The following MCF2L variants were observed in gnomAD, a reference collection of about 807,000 sequenced individuals.
MCF2L encodes the protein guanine nucleotide exchange factor DBS.
In MCF2L, 97 loss-of-function variants were observed where a neutral mutation model predicts 153.4. That is an observed-to-expected ratio of 0.63 (90% CI 0.54 to 0.75). MCF2L has a LOEUF of 0.75. Ranked by LOEUF, MCF2L falls within the 30% of genes least tolerant of loss-of-function variation. The pLI, the probability that MCF2L is intolerant of heterozygous loss-of-function variation, is 0.00. For synonymous variants in MCF2L, 659 were observed against 632.2 expected (o/e 1.04, Z -0.64); for missense variants, 1,347 against 1,495.2 (o/e 0.90, Z 1.64).
chr13:112,901,902 A>G (rs2081123009), intron 1 of MCF2L, among the ~76,000 whole-genome samples: 1 of 152,232 alleles, frequency 6.6e-6, no homozygotes, highest in Non-Finnish European at 1.5e-5. Context: ...TGTCGAGGGG[A>G]AAACCTCGGT....
At position 113,077,087 on chromosome 13, in the gene MCF2L, C is replaced by G. The variant is rs531557786; in HGVS notation, c.1536C>G (p.Ser512Arg). 2 of 1,612,890 alleles carry G rather than the reference C, an allele frequency of 1.2e-6. No homozygotes were observed. The highest frequency in any genetic ancestry group is 2.2e-5 in the South Asian group (2 of 90,998). ...GAAAGGTCTTCCAGAAGCAGGCAAG[C>G]ATGGAGGAGGTGTTCCACCGCAGGC... is the stretch of plus-strand genomic sequence containing the variant. The part of the protein sequence containing the change: ...HVRKVFQKQA[S>R]MEEVFHRRQA... The change falls in exon 13 of 30, where the codon AGC becomes AGG. Residue 512 changes from serine (S) to arginine (R), a missense_variant. Ser to Arg is a moderately radical substitution (Grantham distance 110). Transcript: ENST00000535094.
chr13:113,061,641 A>G (rs912652653), intron 5 of MCF2L, among the ~76,000 whole-genome samples: 4 of 142,508 alleles, frequency 2.8e-5, no homozygotes, highest in African/African-American at 1.1e-4. Context: ...CTTCTCTGAC[A>G]GGGAAGAAAA....
At chr13:112,918,723 G>T (rs547409595) in intron 2 of MCF2L, among the ~76,000 whole-genome samples, 1 of 152,316 alleles carries the variant, frequency 6.6e-6, no homozygotes, top group South Asian at 2.1e-4. Flanking sequence ...AACATTATAT[G>T]CAGAGCAGCA....
At chr13:113,030,771 G>A (rs2085636023) in intron 3 of MCF2L, among the ~76,000 whole-genome samples, 1 of 152,212 alleles carries the variant, frequency 6.6e-6, no homozygotes, top group Middle Eastern at 3.2e-3. Flanking sequence ...GTCTCAGAGA[G>A]GCGATAGAGA....
intron 1 of MCF2L, among the ~76,000 whole-genome samples, chr13:113,005,445 G>T (rs984188110): frequency 6.6e-6 from 1 of 152,206 alleles, no homozygotes; most frequent in African/African-American, 2.4e-5. Context: ...TGGACTATTC[G>T]TGGTGACTGA....
rs766014830 is a variant in MCF2L, at chr13:113,077,181, G to A, written c.1630G>A (p.Ala544Thr). Residue 544 changes from alanine (A) to threonine (T), a missense_variant, in exon 13 of 30, where the codon GCA (alanine) becomes ACA (threonine). Physicochemically the swap from Ala to Thr is moderately conservative, Grantham distance 58. Coordinates refer to ENST00000535094, the MANE Select transcript of MCF2L (RefSeq NM_001112732.3). Reference protein sequence around the residue: ...PVQPVAPRPEALAKSPCPSPG... With the variant: ...PVQPVAPRPETLAKSPCPSPG... ...GCAGCCGGTGGCCCCCAGACCCGAG[G>A]CACTGGCAAAGTCGCCCTGCCCCTC... The A allele has an allele frequency of 3.1e-6, 5 of 1,603,596 alleles. No homozygotes were observed. In the Admixed American group the frequency reaches 5.1e-5, roughly 16 times the overall value.
upstream of MCF2L, chr13:112,965,279 G>A (rs1313531534): frequency 6.6e-6 from 1 of 152,260 alleles, no homozygotes; most frequent in Admixed American, 6.5e-5. Context: ...GCCCCGGAGG[G>A]GGAGGTGCCA....
upstream of MCF2L, chr13:112,968,677 C>T: frequency 1.3e-6 from 2 of 1,487,758 alleles, no homozygotes; most frequent in South Asian, 2.6e-5. Flanking sequence ...GCTGCTGCGG[C>T]CTCTGCAGCT....
chr13:112,910,230 G>GAAT (rs2081217042), intron 2 of MCF2L: 1 of 152,200 alleles, frequency 6.6e-6, no homozygotes, highest in South Asian at 2.1e-4. Context: ...CTGCTGGTAG[G>GAAT]AATGCCAGTC....
At chr13:112,981,442 G>A (rs550737290) in intron 1 of MCF2L, among the ~76,000 whole-genome samples, 2 of 152,318 alleles carry the variant, frequency 1.3e-5, no homozygotes, top group East Asian at 1.9e-4. Flanking sequence ...CATCGTCCAC[G>A]ACATTCACAC....
intron 2 of MCF2L, among the ~76,000 whole-genome samples, chr13:112,915,182 G>A (rs969805076): frequency 7.2e-5 from 11 of 151,750 alleles, no homozygotes; most frequent in East Asian, 3.9e-4. Flanking sequence ...GGCTGAGGTC[G>A]GTGGATCACA....
intron 2 of MCF2L, among the ~76,000 whole-genome samples, chr13:113,016,640 G>A (rs9549637): frequency 6.6e-6 from 1 of 151,846 alleles, no homozygotes; most frequent in African/African-American, 2.4e-5. Context: ...CCCCCGCGTC[G>A]TATCCTGCCC....
At chr13:113,080,434 C>G (rs1481408312) in intron 15 of MCF2L, among the ~76,000 whole-genome samples, 1 of 152,192 alleles carries the variant, frequency 6.6e-6, no homozygotes, top group Non-Finnish European at 1.5e-5. Context: ...CTCCCCAGTC[C>G]TCTCCCCTGT....
At chr13:113,094,866 TCTCTCTGGAAGGTC>T in intron 27 of MCF2L, 1 of 1,100,118 alleles carries the variant, frequency 9.1e-7, no homozygotes, top group Middle Eastern at 2.3e-4. Context: ...TCCTCCTAAC[TCTCTCTGGAAGGTC>T]CACCTGGGCC....
At chr13:113,096,248 TGGTC>T in intron 27 of MCF2L, 119 bp from the exon 28 acceptor site, 4 of 724,626 alleles carry the variant, frequency 5.5e-6, no homozygotes, top group Non-Finnish European at 9.4e-6. Context: ...TCCCCGGAGC[TGGTC>T]GTGGCCAGGA....
At chr13:112,985,147 C>T (rs371695625) in intron 1 of MCF2L, 20 of 289,032 alleles carry the variant, frequency 6.9e-5, no homozygotes, top group African/African-American at 4.0e-4. Context: ...CGGGCGGGCA[C>T]GGTGTGTCGC....
At chr13:113,044,634 C>T (rs1032506937) in intron 3 of MCF2L, 3 of 1,604,274 alleles carry the variant, frequency 1.9e-6, no homozygotes, top group African/African-American at 2.7e-5. Flanking sequence ...GGGCTCTCCG[C>T]ACCGACTCTG....
At chr13:112,984,445 C>T (rs1291727937) in intron 1 of MCF2L, among the ~76,000 whole-genome samples, 1 of 152,126 alleles carries the variant, frequency 6.6e-6, no homozygotes, top group East Asian at 1.9e-4. Flanking sequence ...GCCATGTTGG[C>T]CAGGCTGGTC....
At chr13:112,959,315 T>C (rs1482676215) in intron 2 of MCF2L, among the ~76,000 whole-genome samples, 1 of 152,148 alleles carries the variant, frequency 6.6e-6, no homozygotes, top group African/African-American at 2.4e-5. Flanking sequence ...GTTATATTTA[T>C]ATTATACATC....
Sources: allele counts gnomAD v4.1 joint callset (sites outside exome capture counted in the v4.1 genomes callset), GRCh38; gene constraint gnomAD v4.1.1; transcripts MANE v1.5; gene names NCBI Gene and HGNC (gene_info 2026-07-23, HGNC 2026-07-21).